RASGEF1A: variants seen among roughly 807,000 people sequenced by gnomAD.
RASGEF1A encodes the protein ras-GEF domain-containing family member 1A.
A neutral mutation model predicts 56.4 loss-of-function variants in RASGEF1A; 18 were observed. The ratio of observed to expected loss-of-function variants is 0.32; its 90% CI spans 0.22 to 0.47. The LOEUF is 0.47. Ranked by LOEUF, RASGEF1A falls within the 20% of genes least tolerant of loss-of-function variation. The probability of loss-of-function intolerance (pLI) is 1.00; values close to 1 mark genes in which losing one functional copy is unlikely to be tolerated. For missense variants in RASGEF1A, 422 were observed against 627.1 expected (o/e 0.67, Z 3.49); for synonymous variants, 245 against 242.6 (o/e 1.01, Z -0.09).
chr10:43,237,189 G>GT (rs1840441305), intron 1 of RASGEF1A, among the ~76,000 whole-genome samples: 1 of 152,000 alleles, frequency 6.6e-6, no homozygotes, highest in South Asian at 2.1e-4. Flanking sequence ...GTGTGGCCTT[G>GT]TGAGGGGGTC....
chr10:43,240,163 C>A (rs1418046701), intron 1 of RASGEF1A, among the ~76,000 whole-genome samples: 2 of 152,182 alleles, frequency 1.3e-5, no homozygotes, highest in Non-Finnish European at 1.5e-5. Flanking sequence ...AGACACAGAG[C>A]CCCTTAGCGA....
intron 1 of RASGEF1A, among the ~76,000 whole-genome samples, chr10:43,263,090 G>C (rs938269234): frequency 2.6e-5 from 4 of 152,170 alleles, no homozygotes; most frequent in Admixed American, 2.0e-4. Flanking sequence ...ACAGAACCCA[G>C]AGGACAGGTG....
intron 3 of RASGEF1A, among the ~76,000 whole-genome samples, 174 bp from the exon 4 acceptor site, chr10:43,202,119 G>A (rs1839909977): frequency 6.6e-6 from 1 of 152,120 alleles, no homozygotes; most frequent in African/African-American, 2.4e-5. Flanking sequence ...CATGACTCCT[G>A]TTTGGTTCCT....
chr10:43,217,087 C>T (rs770844347), intron 1 of RASGEF1A, among the ~76,000 whole-genome samples: 132 of 152,288 alleles, frequency 8.7e-4, no homozygotes, highest in Non-Finnish European at 1.5e-3. Flanking sequence ...TAGGGGCCAC[C>T]CCCACCTACT....
chr10:43,215,387 A>G (rs1307684632), intron 1 of RASGEF1A, among the ~76,000 whole-genome samples: 1 of 152,196 alleles, frequency 6.6e-6, no homozygotes, highest in Non-Finnish European at 1.5e-5. Flanking sequence ...ACAATTAGCA[A>G]CTGAAAATTA....
chr10:43,198,582 G>A (rs537526541), intron 9 of RASGEF1A, among the ~76,000 whole-genome samples: 57 of 152,262 alleles, frequency 3.7e-4, no homozygotes, highest in Non-Finnish European at 6.9e-4. Flanking sequence ...AAGGCTGCAG[G>A]TGACCCTGTC....
chr10:43,259,204 G>A (rs1473621224), intron 1 of RASGEF1A, among the ~76,000 whole-genome samples: 5 of 152,222 alleles, frequency 3.3e-5, no homozygotes, highest in Admixed American at 2.0e-4. Context: ...GTGTGGCAGT[G>A]CTGTGGGATG....
intron 1 of RASGEF1A, among the ~76,000 whole-genome samples, chr10:43,215,518 C>T (rs1415519083): frequency 6.6e-6 from 1 of 152,206 alleles, no homozygotes; most frequent in Non-Finnish European, 1.5e-5. Flanking sequence ...TGCGCACCTA[C>T]CTGTGCTGGG....
chr10:43,233,758 G>T (rs1285491915), intron 1 of RASGEF1A, among the ~76,000 whole-genome samples: 1 of 152,192 alleles, frequency 6.6e-6, no homozygotes, highest in Non-Finnish European at 1.5e-5. Context: ...TTCCATCCTG[G>T]ATGGAGGCTG....
chr10:43,231,530 C>A (rs1390914001), intron 1 of RASGEF1A, among the ~76,000 whole-genome samples: 1 of 152,244 alleles, frequency 6.6e-6, no homozygotes, highest in African/African-American at 2.4e-5. Context: ...GCCCCACAAG[C>A]CTTCTTATGC....
chr10:43,230,433 C>A (rs1840350830), intron 1 of RASGEF1A, among the ~76,000 whole-genome samples: 1 of 152,136 alleles, frequency 6.6e-6, no homozygotes, highest in Non-Finnish European at 1.5e-5. Flanking sequence ...GGGGCTACCC[C>A]TCTGCGCATT....
chr10:43,240,219 C>T (rs560649943), intron 1 of RASGEF1A, among the ~76,000 whole-genome samples: 32 of 152,270 alleles, frequency 2.1e-4, no homozygotes, highest in South Asian at 4.1e-4. Flanking sequence ...AAATTTCTTT[C>T]CAATCATTAT....
intron 1 of RASGEF1A, chr10:43,209,325 G>A: frequency 1.7e-6 from 1 of 594,676 alleles, no homozygotes; most frequent in Non-Finnish European, 2.1e-6. Context: ...ACCTGCCCCA[G>A]GTCACAGCCA....
intron 1 of RASGEF1A, among the ~76,000 whole-genome samples, chr10:43,238,801 C>T (rs1225514000): frequency 6.6e-6 from 1 of 152,198 alleles, no homozygotes; most frequent in East Asian, 1.9e-4. Context: ...GGGCCCACAG[C>T]TGCCATCCCC....
At chr10:43,198,228 C>A in intron 9 of RASGEF1A, 33 bp from the exon 10 acceptor site, 1 of 1,571,470 alleles carries the variant, frequency 6.4e-7, no homozygotes, top group Non-Finnish European at 8.7e-7. Context: ...GTGAGCATCA[C>A]AGCCCCATGC....
In RASGEF1A at chr10:43,264,596, A is replaced by G. The variant is rs563305731; in HGVS notation, c.-7+2249T>C. On this transcript the variant is annotated intron_variant, in intron 1 of 12. Coordinates refer to ENST00000395810, the MANE Select transcript of RASGEF1A (RefSeq NM_145313.4). ...GGAGGCAGATTGGAAGCTCCAACAG[A>G]AAAGCAGCCAGAGTGCCGGACCCAA... Among the ~76,000 whole-genome samples the G allele has an allele frequency of 9.2e-5, 14 of 151,520 alleles. No homozygotes were observed. The East Asian group carries it at 2.6e-3, about 28-fold the overall frequency.
chr10:43,221,677 C>T (rs999481202), intron 1 of RASGEF1A, among the ~76,000 whole-genome samples: 36 of 152,346 alleles, frequency 2.4e-4, no homozygotes, highest in African/African-American at 7.5e-4. Context: ...CGCAGGGCAG[C>T]GAGGTGGGGT....
chr10:43,221,644 G>A (rs1350572681), intron 1 of RASGEF1A, among the ~76,000 whole-genome samples: 1 of 152,260 alleles, frequency 6.6e-6, no homozygotes, highest in Non-Finnish European at 1.5e-5. Context: ...TGCCCCTGCT[G>A]CATTTGCAGG....
In RASGEF1A at chr10:43,198,205, CAGGG is replaced by C; in HGVS notation, c.1033-14_1033-11del. ...ACGGGTCCATGTGATGCTGTGGGCA[CAGGG>C]AGGACCTGGTGAGCATCACAGCCCC... On this transcript the variant is annotated splice_polypyrimidine_tract_variant and intron_variant, in intron 9 of 12. Transcript: ENST00000395810. 6.2e-7 allele frequency: 1 copy of C among 1,601,238 alleles called. No individual in the cohort carries two copies. Among genetic ancestry groups the C allele is most frequent in the Non-Finnish European group, 8.5e-7 (1 of 1,170,542 alleles).
Sources: allele counts gnomAD v4.1 joint callset (sites outside exome capture counted in the v4.1 genomes callset), GRCh38; gene constraint gnomAD v4.1.1; transcripts MANE v1.5; gene names NCBI Gene and HGNC (gene_info 2026-07-23, HGNC 2026-07-21).